Variants in REV1 observed in about 807,000 individuals in gnomAD.
REV1 encodes translesion synthesis protein REV1.
Under a neutral mutation model 137.4 loss-of-function variants are expected in REV1, and 42 were observed. The ratio of observed to expected loss-of-function variants is 0.31; its 90% CI spans 0.24 to 0.40. The LOEUF (loss-of-function observed/expected upper bound fraction) is 0.40. Among genes scored for constraint, REV1 ranks in the 10% least tolerant of loss-of-function variants. The pLI is 1.00. For missense variants in REV1, 1,282 were observed against 1,490.1 expected (o/e 0.86, Z 2.30); for synonymous variants, 524 against 519.2 (o/e 1.01, Z -0.12).
At chr2:99,410,900 T>A (rs766046622) in intron 13 of REV1, 33 bp from the exon 14 acceptor site, 7 of 1,544,606 alleles carry the variant, frequency 4.5e-6, no homozygotes, top group Admixed American at 2.2e-5. Context: ...AAACTACCAT[T>A]CCACTTTCCT....
chr2:99,425,890 G>GC (rs1251970390), intron 9 of REV1, among the ~76,000 whole-genome samples: 12 of 151,902 alleles, frequency 7.9e-5, no homozygotes, highest in African/African-American at 2.9e-4. Flanking sequence ...TTAAAAATTA[G>GC]CGAGAAGTGG....
chr2:99,403,701 C>G lies in REV1; in HGVS notation c.3160G>C (p.Ala1054Pro). The change falls in exon 19 of 23, where the codon GCA becomes CCA. Residue 1054 changes from alanine (A) to proline (P), a missense_variant. Transcript: ENST00000258428. ...TGCCACTTCCAAGGCTCACCAGATG[C>G]GCTGGCTGACTGCTGGTGAGTGCTG... The part of the protein sequence containing the change: ...ENSTHQQSAS[A>P]SVPKNPLLHL... The G allele has an allele frequency of 6.2e-7, 1 of 1,614,174 alleles. No individual in the cohort carries two copies. The highest frequency in any genetic ancestry group is 8.5e-7 in the Non-Finnish European group (1 of 1,180,028).
chr2:99,449,693 C>T (rs1241176447), intron 3 of REV1, among the ~76,000 whole-genome samples, 189 bp from the exon 4 acceptor site: 1 of 152,134 alleles, frequency 6.6e-6, no homozygotes, highest in Admixed American at 6.6e-5. Context: ...AGTACATCCC[C>T]CTTCCCTGGC....
At chr2:99,452,879 G>C (rs1683084158) in intron 3 of REV1, among the ~76,000 whole-genome samples, 1 of 152,190 alleles carries the variant, frequency 6.6e-6, no homozygotes. Context: ...CTCCAAAGCA[G>C]GAATGACTAA....
chr2:99,481,040 C>T (rs1374225253), intron 1 of REV1, among the ~76,000 whole-genome samples: 1 of 152,030 alleles, frequency 6.6e-6, no homozygotes, highest in Admixed American at 6.6e-5. Flanking sequence ...GAATATTAAC[C>T]TCCAACACAG....
chr2:99,456,338 T>A (rs1053209778), intron 3 of REV1, among the ~76,000 whole-genome samples: 2 of 152,230 alleles, frequency 1.3e-5, no homozygotes, highest in African/African-American at 4.8e-5. Flanking sequence ...GCACTTGTAT[T>A]CCACTGAGGA....
Position 99,473,376 on chromosome 2 carries a change from AAAAG to A in REV1, c.-10-8395_-10-8392del, listed in dbSNP as rs1378911828. 1.7e-3 allele frequency among the ~76,000 whole-genome samples: 250 copies of A among 151,172 alleles called. 1 individual carries two copies. Among genetic ancestry groups the A allele is most frequent in the African/African-American group, 5.9e-3 (244 of 41,268 alleles). ...GAGCGAGACTGTCTCAAAAAAAAAAAAAAGAAAAGAAAAGAAAAGAAAAAAGAAA... is the reference window on the plus strand; with the variant it reads ...GAGCGAGACTGTCTCAAAAAAAAAAAAAAAGAAAAGAAAAGAAAAAAGAAA... On this transcript the variant is annotated intron_variant, in intron 1 of 22. Transcript: ENST00000258428.
chr2:99,403,885 C>A, intron 18 of REV1, 70 bp from the exon 19 acceptor site: 23 of 1,555,308 alleles, frequency 1.5e-5, no homozygotes, highest in Non-Finnish European at 1.9e-5. Flanking sequence ...CTCTTTTTCA[C>A]AAAACAGACT....
At chr2:99,417,325 G>C (rs1378298406) in intron 12 of REV1, among the ~76,000 whole-genome samples, 1 of 152,002 alleles carries the variant, frequency 6.6e-6, no homozygotes, top group East Asian at 1.9e-4. Context: ...TGTAGTTCTA[G>C]TAGAGACAGG....
At chr2:99,479,219 T>C (rs1341100594) in intron 1 of REV1, among the ~76,000 whole-genome samples, 2 of 151,132 alleles carry the variant, frequency 1.3e-5, no homozygotes, top group East Asian at 1.9e-4. Context: ...TCCCAGCTAC[T>C]TGGGGGCTGA....
At chr2:99,412,299 A>C (rs1397248759) in intron 13 of REV1, among the ~76,000 whole-genome samples, 13 of 151,284 alleles carry the variant, frequency 8.6e-5, no homozygotes, top group Non-Finnish European at 4.4e-5. Context: ...CAAATCCATA[A>C]TCTGAAGGAA....
intron 3 of REV1, among the ~76,000 whole-genome samples, chr2:99,457,084 T>C (rs1399146891): frequency 6.6e-6 from 1 of 152,178 alleles, no homozygotes; most frequent in Non-Finnish European, 1.5e-5. Context: ...GGCAATTGTT[T>C]CCTCTTCTGT....
At position 99,460,168 on chromosome 2, in the gene REV1, C is replaced by G. The variant is rs190759503; in HGVS notation, c.181+2328G>C. ...CTCGGCTCACTTCAACCTCCGCCTC[C>G]CGGGTTCAAGTGATTCTCCTGCCTC... is the stretch of plus-strand genomic sequence containing the variant. On this transcript the variant is annotated intron_variant, in intron 3 of 22. Transcript: ENST00000258428. 5.0e-3 allele frequency among the ~76,000 whole-genome samples: 767 copies of G among 152,296 alleles called. 11 individuals carry two copies. The highest frequency in any genetic ancestry group is 0.018 in the African/African-American group (729 of 41,564).
intron 13 of REV1, among the ~76,000 whole-genome samples, chr2:99,411,350 C>G (rs1013700718): frequency 6.6e-6 from 1 of 152,038 alleles, no homozygotes; most frequent in Non-Finnish European, 1.5e-5. Context: ...AATACAAATA[C>G]CCACCTTCCC....
chr2:99,476,553 CAATAATAAT>C (rs35637032), intron 1 of REV1, among the ~76,000 whole-genome samples: 10 of 149,598 alleles, frequency 6.7e-5, no homozygotes, highest in Non-Finnish European at 1.0e-4. Context: ...AAGAATCTGT[CAATAATAAT>C]AATAATAATA....
At chr2:99,417,696 C>T (rs188920692) in intron 12 of REV1, among the ~76,000 whole-genome samples, 5 of 152,234 alleles carry the variant, frequency 3.3e-5, no homozygotes, top group South Asian at 4.1e-4. Context: ...TGTGAGACAA[C>T]GCATTTCTGT....
At chr2:99,477,302 T>C (rs1408301146) in intron 1 of REV1, among the ~76,000 whole-genome samples, 1 of 152,164 alleles carries the variant, frequency 6.6e-6, no homozygotes, top group African/African-American at 2.4e-5. Context: ...ATGAACCATA[T>C]TCCTAAAGAA....
chr2:99,412,269 A>AC (rs1276258937), intron 13 of REV1, among the ~76,000 whole-genome samples: 1 of 150,736 alleles, frequency 6.6e-6, no homozygotes, highest in Non-Finnish European at 1.5e-5. Context: ...AAAAAAAAAA[A>AC]AAAAAAAAAA....
chr2:99,413,563 T>C (rs528812956), intron 12 of REV1, among the ~76,000 whole-genome samples: 3 of 152,212 alleles, frequency 2.0e-5, no homozygotes, highest in African/African-American at 7.2e-5. Flanking sequence ...ATCAAAAGGA[T>C]GATCTCTCTG....
Sources: allele counts gnomAD v4.1 joint callset (sites outside exome capture counted in the v4.1 genomes callset), GRCh38; gene constraint gnomAD v4.1.1; transcripts MANE v1.5; gene names NCBI Gene and HGNC (gene_info 2026-07-23, HGNC 2026-07-21).